CNBD1: variants seen among roughly 807,000 people sequenced by gnomAD.
CNBD1 encodes the protein cyclic nucleotide binding domain containing 1, also known as cyclic nucleotide-binding domain-containing protein 1.
Under a neutral mutation model 54.4 loss-of-function variants are expected in CNBD1, and 71 were observed. The ratio of observed to expected loss-of-function variants is 1.30; its 90% CI spans 1.08 to 1.59. The LOEUF is 1.59. CNBD1 is among the 40% of genes most tolerant of loss of function. CNBD1 has a pLI of 0.00. For missense variants in CNBD1, 659 were observed against 518.0 expected (o/e 1.27, Z -2.64); for synonymous variants, 182 against 170.7 (o/e 1.07, Z -0.51).
intron 4 of CNBD1, among the ~76,000 whole-genome samples, chr8:87,073,222 A>C (rs1810794732): frequency 1.3e-5 from 2 of 151,662 alleles, no homozygotes. Flanking sequence ...CATGATTCTT[A>C]GCTCCTTTGC....
intron 5 of CNBD1, among the ~76,000 whole-genome samples, chr8:87,221,926 A>C (rs1814347778): frequency 1.3e-5 from 2 of 152,124 alleles, no homozygotes; most frequent in African/African-American, 4.8e-5. Context: ...CTTGTGTCTT[A>C]AAATAACTAC....
intron 2 of CNBD1, among the ~76,000 whole-genome samples, chr8:87,425,200 G>T (rs544461334): frequency 2.6e-5 from 4 of 151,954 alleles, no homozygotes; most frequent in African/African-American, 4.8e-5. Context: ...CTCTGTATTG[G>T]TTATTCTAGT....
chr8:87,074,243 C>A (rs1267141494), intron 4 of CNBD1, among the ~76,000 whole-genome samples: 2 of 151,974 alleles, frequency 1.3e-5, no homozygotes, highest in Non-Finnish European at 2.9e-5. Context: ...GTTGACCAAA[C>A]CACAGAGATG....
At chr8:86,993,289 A>T (rs1163000413) in intron 4 of CNBD1, among the ~76,000 whole-genome samples, 2 of 151,086 alleles carry the variant, frequency 1.3e-5, no homozygotes, top group South Asian at 2.1e-4. Context: ...TTTTTATTGA[A>T]TTTTTTTCAA....
intron 3 of CNBD1, among the ~76,000 whole-genome samples, chr8:86,932,959 A>G (rs1054470828): frequency 1.3e-5 from 2 of 152,064 alleles, no homozygotes; most frequent in Admixed American, 6.5e-5. Flanking sequence ...AGGACCAAGG[A>G]AGGTCGTATT....
intron 8 of CNBD1, among the ~76,000 whole-genome samples, chr8:87,322,372 T>A (rs1161341483): frequency 8.4e-6 from 1 of 119,184 alleles, no homozygotes; most frequent in Admixed American, 8.1e-5. Context: ...CCCTGAGGAA[T>A]CGCCACACTG....
At chr8:86,868,949 G>GTC (rs1808402411) in intron 1 of CNBD1, among the ~76,000 whole-genome samples, 2 of 151,324 alleles carry the variant, frequency 1.3e-5, no homozygotes, top group Admixed American at 6.6e-5. Flanking sequence ...GAAGGCGAGA[G>GTC]AGTCAGAATG....
chr8:87,295,005 CT>C (rs1275866270), intron 8 of CNBD1, among the ~76,000 whole-genome samples: 1 of 151,372 alleles, frequency 6.6e-6, no homozygotes, highest in Non-Finnish European at 1.5e-5. Context: ...CATGAAGCTT[CT>C]TTTTTTATAA....
chr8:87,153,580 G>A (rs191082193), intron 4 of CNBD1, among the ~76,000 whole-genome samples: 1 of 152,236 alleles, frequency 6.6e-6, no homozygotes, highest in East Asian at 1.9e-4. Context: ...GTAATGGGAC[G>A]TTGATTTAAT....
intron 8 of CNBD1, among the ~76,000 whole-genome samples, chr8:87,350,957 A>G (rs975646712): frequency 6.6e-6 from 1 of 152,166 alleles, no homozygotes; most frequent in Admixed American, 6.5e-5. Flanking sequence ...TGACTTTACA[A>G]GTTTGAAAGA....
At chr8:87,279,656 G>C (rs10108933) in intron 6 of CNBD1, among the ~76,000 whole-genome samples, 42,337 of 150,656 alleles carry the variant, frequency 0.28, 6,361 homozygotes, top group African/African-American at 0.39. Context: ...TGTATATGCA[G>C]TAAAAATTAT....
chr8:87,227,738 G>A (rs1814538225), intron 5 of CNBD1, among the ~76,000 whole-genome samples: 1 of 149,170 alleles, frequency 6.7e-6, no homozygotes, highest in South Asian at 2.1e-4. Context: ...CTCTTCTCGA[G>A]GAGTATCTTT....
chr8:87,415,789 T>C (rs1807824564), intron 2 of CNBD1, among the ~76,000 whole-genome samples: 1 of 151,852 alleles, frequency 6.6e-6, no homozygotes, highest in African/African-American at 2.4e-5. Flanking sequence ...TAAAAAGCTA[T>C]ATAAATTATC....
chr8:87,017,343 A>G (rs929199758), intron 4 of CNBD1, among the ~76,000 whole-genome samples: 1 of 152,224 alleles, frequency 6.6e-6, no homozygotes, highest in Non-Finnish European at 1.5e-5. Context: ...AAATCTGCTC[A>G]TGTAAATTCT....
At chr8:87,033,742 A>C (rs73275714) in intron 4 of CNBD1, among the ~76,000 whole-genome samples, 4,593 of 152,082 alleles carry the variant, frequency 0.03, 238 homozygotes, top group African/African-American at 0.1. Context: ...TTTCTCCTCA[A>C]TGCTTTTCTT....
intron 6 of CNBD1, among the ~76,000 whole-genome samples, chr8:87,275,389 G>T (rs947298954): frequency 1.2e-4 from 18 of 151,730 alleles, no homozygotes; most frequent in Admixed American, 6.6e-5. Context: ...TCACGATATT[G>T]ATTCTTCCTA....
intron 4 of CNBD1, among the ~76,000 whole-genome samples, chr8:87,085,349 A>G (rs1322143644): frequency 6.6e-6 from 1 of 151,916 alleles, no homozygotes; most frequent in African/African-American, 2.4e-5. Flanking sequence ...CAAATTTTGT[A>G]CTTGATAAGC....
At chr8:87,096,328 A>G (rs6468649) in intron 4 of CNBD1, among the ~76,000 whole-genome samples, 78,374 of 149,828 alleles carry the variant, frequency 0.52, 22,029 homozygotes, top group African/African-American at 0.74. Context: ...AGAAAGAAGA[A>G]TAGCTCTCTG....
At chr8:87,423,276 C>T (rs1586093994) in intron 2 of CNBD1, among the ~76,000 whole-genome samples, 5 of 150,354 alleles carry the variant, frequency 3.3e-5, no homozygotes, top group East Asian at 1.9e-4. Context: ...TTTCCTTCTC[C>T]TGCCTAATTG....
Sources: allele counts gnomAD v4.1 joint callset (sites outside exome capture counted in the v4.1 genomes callset), GRCh38; gene constraint gnomAD v4.1.1; transcripts MANE v1.5; gene names NCBI Gene and HGNC (gene_info 2026-07-23, HGNC 2026-07-21).